Variants in LINGO1 observed in about 807,000 individuals in gnomAD.
LINGO1 encodes the protein leucine-rich repeat and immunoglobulin-like domain-containing nogo receptor-interacting protein 1.
In LINGO1, 11 loss-of-function variants were observed where a neutral mutation model predicts 37.3. That is an observed-to-expected ratio of 0.29 (90% confidence interval 0.19 to 0.49). The LOEUF is 0.49. LINGO1 is among the 20% of genes least tolerant of loss of function. The pLI, the probability that LINGO1 is intolerant of heterozygous loss-of-function variation, is 0.99. For missense variants in LINGO1, 585 were observed against 878.2 expected (o/e 0.67, Z 4.22); for synonymous variants, 387 against 403.0 (o/e 0.96, Z 0.48).
rs920401518 is a variant in LINGO1 at position 77,632,225 on chromosome 15, G to T, written c.6+85C>A. On this transcript the variant is annotated intron_variant, in intron 1 of 1. Transcript: ENST00000355300. The surrounding 1 kb of genome is among the most constrained non-coding windows in gnomAD (Gnocchi z 6.0). Reference sequence around the variant, plus strand: ...CCGAGGTGCCCTGCAACCCCAGGAGGGCGCAGCCAGGGCCGATGGCGGCCC... The same window carrying T: ...CCGAGGTGCCCTGCAACCCCAGGAGTGCGCAGCCAGGGCCGATGGCGGCCC... The T allele has an allele frequency of 5.3e-5, 68 of 1,283,112 alleles. No individual in the cohort carries two copies. The highest frequency in any genetic ancestry group is 8.4e-5 in the Admixed American group (2 of 23,760). 79.5% of individuals were successfully genotyped at this position (1,283,112 alleles called of 1,614,324 possible). A position where few individuals can be genotyped will look rare whatever the true frequency, so the allele number is the denominator to read the frequency against.
At chr15:77,660,045 G>C (rs537705815) in intron 3 of LINGO1, 1 of 152,340 alleles carries the variant, frequency 6.6e-6, no homozygotes, top group East Asian at 1.9e-4. Flanking sequence ...CTATGCTCCA[G>C]GAAGAGATCA....
intron 3 of LINGO1, among the ~76,000 whole-genome samples, chr15:77,640,701 G>C (rs1254453067): frequency 1.3e-5 from 2 of 152,148 alleles, no homozygotes; most frequent in Non-Finnish European, 2.9e-5. Context: ...CAGACCAGGA[G>C]AGTCTGGAGG....
chr15:77,819,065 C>A (rs1296457707), intron 1 of LINGO1, among the ~76,000 whole-genome samples: 1 of 151,404 alleles, frequency 6.6e-6, no homozygotes, highest in African/African-American at 2.4e-5. Flanking sequence ...GCGGCCTGGG[C>A]TGCCGAGCAC....
intron 3 of LINGO1, chr15:77,648,112 C>A (rs544136897): frequency 2.8e-6 from 1 of 352,234 alleles, no homozygotes; most frequent in Admixed American, 3.8e-5. Context: ...ATAGCTGGGG[C>A]CCTCAGGATC....
chr15:77,789,031 G>A (rs112928003), upstream of LINGO1, among the ~76,000 whole-genome samples: 4 of 152,128 alleles, frequency 2.6e-5, no homozygotes, highest in African/African-American at 4.8e-5. Context: ...AGCTTGGGGC[G>A]GCCTCGATAC....
chr15:77,807,072 G>A (rs914629807), intron 1 of LINGO1, among the ~76,000 whole-genome samples: 6 of 152,164 alleles, frequency 3.9e-5, no homozygotes, highest in Non-Finnish European at 7.3e-5. Flanking sequence ...CTCTGCCTTC[G>A]CATGCTGTTT....
chr15:77,729,214 A>G (rs944284694), intron 2 of LINGO1, among the ~76,000 whole-genome samples: 4 of 152,210 alleles, frequency 2.6e-5, no homozygotes, highest in Admixed American at 6.5e-5. Flanking sequence ...CATCCAGGTC[A>G]GAGAGCACTT....
intron 1 of LINGO1, among the ~76,000 whole-genome samples, chr15:77,808,983 C>A (rs1004088275): frequency 6.6e-6 from 1 of 152,204 alleles, no homozygotes; most frequent in Non-Finnish European, 1.5e-5. Flanking sequence ...AAGGCACGTG[C>A]CGGCTAGGAG....
At chr15:77,683,636 G>A (rs762375785) in intron 2 of LINGO1, among the ~76,000 whole-genome samples, 16 of 152,012 alleles carry the variant, frequency 1.1e-4, no homozygotes, top group South Asian at 2.1e-4. Context: ...ATATGATTCC[G>A]TTTCCTTTTT....
intron 3 of LINGO1, among the ~76,000 whole-genome samples, chr15:77,655,518 C>T (rs75378311): frequency 0.014 from 2,206 of 152,236 alleles, 51 homozygotes; most frequent in African/African-American, 0.051. Flanking sequence ...TTTGCTCCTC[C>T]CTGTGTCCCC....
At chr15:77,664,177 GCGCA>G (rs2075075606) in intron 3 of LINGO1, among the ~76,000 whole-genome samples, 1 of 151,702 alleles carries the variant, frequency 6.6e-6, no homozygotes, top group African/African-American at 2.4e-5. Flanking sequence ...GTGTGCGCGC[GCGCA>G]TGCGTTTGCA....
intron 2 of LINGO1, among the ~76,000 whole-genome samples, chr15:77,793,434 CAGCCTCCGGTGCA>C (rs1408736327): frequency 7.9e-5 from 12 of 152,174 alleles, no homozygotes; most frequent in South Asian, 2.1e-4. Context: ...TCCAATTCCT[CAGCCTCCGGTGCA>C]AGCCTCCGGT....
At chr15:77,687,474 T>G (rs549761284) in intron 2 of LINGO1, among the ~76,000 whole-genome samples, 5 of 152,350 alleles carry the variant, frequency 3.3e-5, no homozygotes, top group African/African-American at 1.2e-4. Context: ...GAGCCCCTAC[T>G]ATGCCTGCCT....
At chr15:77,670,684 A>G (rs1188977520) in intron 3 of LINGO1, among the ~76,000 whole-genome samples, 1 of 152,260 alleles carries the variant, frequency 6.6e-6, no homozygotes, top group Non-Finnish European at 1.5e-5. Flanking sequence ...CATTTGCCCT[A>G]AGGTCACTTG....
chr15:77,663,865 T>C (rs548417581), intron 3 of LINGO1, among the ~76,000 whole-genome samples: 204 of 152,294 alleles, frequency 1.3e-3, no homozygotes, highest in African/African-American at 4.8e-3. Flanking sequence ...TCCTGGGGCC[T>C]GGCAGAGGAA....
At chr15:77,770,499 A>G (rs912671108) in intron 1 of LINGO1, among the ~76,000 whole-genome samples, 1 of 149,586 alleles carries the variant, frequency 6.7e-6, no homozygotes, top group Non-Finnish European at 1.5e-5. Flanking sequence ...AGGCAGGAGA[A>G]TTGCTTGAAC....
chr15:77,664,164 T>C (rs868424978), intron 3 of LINGO1, among the ~76,000 whole-genome samples: 3,893 of 107,922 alleles, frequency 0.036, 72 homozygotes, highest in African/African-American at 0.064. Flanking sequence ...TGTGTGTGTG[T>C]GTGTGTGCGC....
chr15:77,813,541 G>A (rs1374179948), intron 1 of LINGO1, among the ~76,000 whole-genome samples: 1 of 152,156 alleles, frequency 6.6e-6, no homozygotes, highest in Non-Finnish European at 1.5e-5. Context: ...TTTCCACCAG[G>A]CTGCATGCCC....
At chr15:77,791,959 A>G (rs1236908985), upstream of LINGO1, among the ~76,000 whole-genome samples, 1 of 151,982 alleles carries the variant, frequency 6.6e-6, no homozygotes, top group Non-Finnish European at 1.5e-5. Flanking sequence ...ATTCACCCCA[A>G]GCAATGAGGC....
Sources: gnomAD v4.1 joint callset for allele counts (sites outside exome capture counted in the v4.1 genomes callset) on GRCh38, gnomAD v4.1.1 for gene constraint, Gnocchi (gnomAD v3.1) non-coding constraint, MANE v1.5 for transcripts, NCBI Gene and HGNC (gene_info 2026-07-23, HGNC 2026-07-21) for gene names.